Variants in CLVS1 observed in about 807,000 individuals in gnomAD.
CLVS1 encodes clavesin-1.
CLVS1 carries 10 observed loss-of-function variants against 33.1 expected under a neutral mutation model. That is an observed-to-expected ratio of 0.30 (90% confidence interval 0.19 to 0.51). CLVS1 has a LOEUF of 0.51. Ranked by LOEUF, CLVS1 falls within the 20% of genes least tolerant of loss-of-function variation. The probability of loss-of-function intolerance (pLI) is 0.97; values close to 1 mark genes in which losing one functional copy is unlikely to be tolerated. For missense variants in CLVS1, 343 were observed against 433.4 expected (o/e 0.79, Z 1.85); for synonymous variants, 163 against 166.1 (o/e 0.98, Z 0.14).
intron 2 of CLVS1, among the ~76,000 whole-genome samples, chr8:61,231,303 C>T (rs1346599919): frequency 6.6e-6 from 1 of 151,932 alleles, no homozygotes; most frequent in African/African-American, 2.4e-5. Flanking sequence ...CACACACACA[C>T]ACACTCTAAT....
intron 2 of CLVS1, among the ~76,000 whole-genome samples, chr8:61,277,877 C>T (rs1282520503): frequency 6.6e-6 from 1 of 151,044 alleles, no homozygotes; most frequent in Non-Finnish European, 1.5e-5. Flanking sequence ...AGAGAAGTGA[C>T]AAGACAAAAA....
intron 2 of CLVS1, among the ~76,000 whole-genome samples, chr8:61,166,031 G>GTTTTTTTTTTTTT (rs71245557): frequency 0.02 from 2,204 of 108,096 alleles, 223 homozygotes; most frequent in Non-Finnish European, 0.03. Flanking sequence ...GCATCTAAGC[G>GTTTTTTTTTTTTT]TTTTTTTTTT....
intron 2 of CLVS1, chr8:61,264,747 G>A (rs1410560020): frequency 1.3e-5 from 2 of 152,166 alleles, no homozygotes; most frequent in African/African-American, 4.8e-5. Flanking sequence ...AGAATGATAT[G>A]GTCAGAGTTC....
At chr8:61,289,368 T>C (rs1809894528) in intron 1 of CLVS1, among the ~76,000 whole-genome samples, 1 of 152,198 alleles carries the variant, frequency 6.6e-6, no homozygotes, top group African/African-American at 2.4e-5. Flanking sequence ...AACCTGAAAG[T>C]CTAAGCCCAA....
chr8:61,332,379 T>G (rs964196424), intron 2 of CLVS1, among the ~76,000 whole-genome samples: 7 of 152,170 alleles, frequency 4.6e-5, no homozygotes, highest in Non-Finnish European at 8.8e-5. Context: ...TAGTTGCTTG[T>G]CTCTGCCTTC....
At chr8:61,424,977 A>AATTTAGG (rs1352265862) in intron 3 of CLVS1, among the ~76,000 whole-genome samples, 1 of 152,172 alleles carries the variant, frequency 6.6e-6, no homozygotes, top group Non-Finnish European at 1.5e-5. Context: ...CTCATTGGAG[A>AATTTAGG]ATTTAGGATT....
intron 2 of CLVS1, among the ~76,000 whole-genome samples, chr8:61,166,563 ATTGT>A (rs1015001133): frequency 2.6e-5 from 4 of 151,714 alleles, no homozygotes; most frequent in Admixed American, 6.5e-5. Context: ...TTTTGTTTCA[ATTGT>A]TTGTTTGCTT....
chr8:61,182,231 G>A (rs1585668984), intron 2 of CLVS1, among the ~76,000 whole-genome samples: 1 of 152,200 alleles, frequency 6.6e-6, no homozygotes, highest in Non-Finnish European at 1.5e-5. Context: ...AAAAACCCTA[G>A]AAGAAAACCC....
chr8:61,187,257 A>T (rs1363826666), intron 2 of CLVS1, among the ~76,000 whole-genome samples: 1 of 152,178 alleles, frequency 6.6e-6, no homozygotes. Flanking sequence ...TAAAATTACC[A>T]TTCATTTAAG....
At chr8:61,105,488 C>A (rs1805517762) in intron 1 of CLVS1, among the ~76,000 whole-genome samples, 1 of 152,156 alleles carries the variant, frequency 6.6e-6, no homozygotes, top group Admixed American at 6.5e-5. Context: ...GTGAGGTAAG[C>A]ATTAATGATT....
intron 5 of CLVS1, 29 bp downstream of exon 5, chr8:61,458,571 C>CA (rs775292670): frequency 6.8e-7 from 1 of 1,461,832 alleles, no homozygotes; most frequent in Non-Finnish European, 9.3e-7. Flanking sequence ...GAGCCCCCCC[C>CA]CCAGTCAGAG....
In CLVS1 at chr8:61,499,447, C is replaced by CTTGT. The variant is rs760851802; in HGVS notation, c.978-6_978-3dup. 226 of 1,604,618 alleles carry CTTGT rather than the reference C, an allele frequency of 1.4e-4. 4 individuals are homozygous for CTTGT. The East Asian group carries it at 5.0e-3, about 35-fold the overall frequency. ...GTAATTCTGTCTTTTTCCCTCCCCT[C>CTTGT]TTGTTAGATCTCAGTCTGTGGTAGA... On this transcript the variant is annotated splice_region_variant and splice_polypyrimidine_tract_variant and intron_variant, in intron 5 of 5. Transcript: ENST00000325897.
At chr8:61,353,324 TAAATG>T in intron 2 of CLVS1, among the ~76,000 whole-genome samples, 1 of 152,050 alleles carries the variant, frequency 6.6e-6, no homozygotes, top group African/African-American at 2.4e-5. Flanking sequence ...CAAATTAAAA[TAAATG>T]AAATCATACT....
intron 3 of CLVS1, among the ~76,000 whole-genome samples, chr8:61,448,196 ATATAAT>A (rs1053089169): frequency 3.3e-5 from 5 of 152,088 alleles, no homozygotes; most frequent in Admixed American, 2.0e-4. Flanking sequence ...GCTTTCAAAA[ATATAAT>A]TATGATATGT....
At chr8:61,259,236 G>A (rs1809148783) in intron 2 of CLVS1, among the ~76,000 whole-genome samples, 1 of 152,156 alleles carries the variant, frequency 6.6e-6, no homozygotes, top group South Asian at 2.1e-4. Context: ...TTTCCTGGGT[G>A]GGGTTTCCAT....
intron 1 of CLVS1, among the ~76,000 whole-genome samples, chr8:61,080,746 T>C (rs1805005509): frequency 1.3e-5 from 2 of 152,162 alleles, no homozygotes; most frequent in Admixed American, 6.5e-5. Flanking sequence ...AGAAATATCA[T>C]AGGTAGAAAA....
intron 3 of CLVS1, among the ~76,000 whole-genome samples, chr8:61,434,392 C>G (rs1326187658): frequency 6.6e-6 from 1 of 152,158 alleles, no homozygotes; most frequent in Admixed American, 6.5e-5. Context: ...GAGTCAAACT[C>G]TGTAAAATAT....
the CLVS1 span, among the ~76,000 whole-genome samples, chr8:60,993,906 C>T: frequency 1.3e-5 from 2 of 152,122 alleles, no homozygotes; most frequent in Non-Finnish European, 2.9e-5. Context: ...TGTTTTTATT[C>T]TTTCTCTGGC....
chr8:61,171,572 C>A (rs988997045), intron 2 of CLVS1, among the ~76,000 whole-genome samples: 1 of 152,124 alleles, frequency 6.6e-6, no homozygotes, highest in Non-Finnish European at 1.5e-5. Context: ...CTCCATATGG[C>A]TTCGCTGACA....
Sources: gnomAD v4.1 joint callset for allele counts (sites outside exome capture counted in the v4.1 genomes callset) on GRCh38, gnomAD v4.1.1 for gene constraint, MANE v1.5 for transcripts, NCBI Gene and HGNC (gene_info 2026-07-23, HGNC 2026-07-21) for gene names.